FGF14: variants seen among roughly 807,000 people sequenced by gnomAD.
FGF14 encodes the protein fibroblast growth factor homologous factor 4.
A neutral mutation model predicts 25.5 loss-of-function variants in FGF14; 5 were observed. The ratio of observed to expected loss-of-function variants is 0.20; its 90% CI spans 0.10 to 0.41. The LOEUF is 0.41. Among genes scored for constraint, FGF14 ranks in the 10% least tolerant of loss-of-function variants. The pLI, the probability that FGF14 is intolerant of heterozygous loss-of-function variation, is 1.00. For synonymous variants in FGF14, 138 were observed against 118.3 expected (o/e 1.17, Z -1.08); for missense variants, 222 against 320.1 (o/e 0.69, Z 2.34).
chr13:101,905,348 T>C (rs1042980765), intron 1 of FGF14, among the ~76,000 whole-genome samples: 101 of 152,194 alleles, frequency 6.6e-4, no homozygotes, highest in African/African-American at 2.1e-3. Flanking sequence ...GTGGCACATA[T>C]ACGCCATGGG....
At chr13:102,018,991 T>C (rs2040493099) in intron 1 of FGF14, among the ~76,000 whole-genome samples, 1 of 152,158 alleles carries the variant, frequency 6.6e-6, no homozygotes. Flanking sequence ...CATTATAATC[T>C]ACCACATTCA....
intron 1 of FGF14, among the ~76,000 whole-genome samples, chr13:102,388,923 T>C (rs932092607): frequency 2.0e-5 from 3 of 152,200 alleles, no homozygotes; most frequent in Non-Finnish European, 4.4e-5. Flanking sequence ...ACTAAGCCGC[T>C]AAAATATGAT....
At chr13:101,978,515 T>C (rs1229854586) in intron 1 of FGF14, among the ~76,000 whole-genome samples, 1 of 152,170 alleles carries the variant, frequency 6.6e-6, no homozygotes, top group East Asian at 1.9e-4. Flanking sequence ...ATGATATTTT[T>C]CTAAAAAATG....
chr13:101,882,269 C>T (rs1279547017), intron 1 of FGF14, among the ~76,000 whole-genome samples: 2 of 151,852 alleles, frequency 1.3e-5, no homozygotes, highest in African/African-American at 2.4e-5. Context: ...TATAGCAGAC[C>T]GTATTAATTT....
chr13:102,113,959 G>A (rs968755134), intron 1 of FGF14, among the ~76,000 whole-genome samples: 17 of 152,148 alleles, frequency 1.1e-4, no homozygotes, highest in Non-Finnish European at 1.8e-4. Context: ...CTGTGGAGAC[G>A]GCTGATTTTA....
At chr13:102,325,012 T>C (rs1477029964) in intron 1 of FGF14, among the ~76,000 whole-genome samples, 1 of 151,972 alleles carries the variant, frequency 6.6e-6, no homozygotes, top group Non-Finnish European at 1.5e-5. Context: ...CACACATACA[T>C]ATGCACACAC....
At chr13:102,358,243 G>A (rs969972899) in intron 1 of FGF14, among the ~76,000 whole-genome samples, 1 of 152,026 alleles carries the variant, frequency 6.6e-6, no homozygotes, top group African/African-American at 2.4e-5. Flanking sequence ...TATATTTTCA[G>A]GAATACATTA....
At chr13:102,371,242 T>C (rs1011918714) in intron 1 of FGF14, among the ~76,000 whole-genome samples, 9 of 152,196 alleles carry the variant, frequency 5.9e-5, no homozygotes, top group African/African-American at 2.2e-4. Context: ...CTCTTGCCTG[T>C]CTTTAAATCG....
At chr13:102,332,312 C>T (rs2056657622) in intron 1 of FGF14, among the ~76,000 whole-genome samples, 1 of 151,882 alleles carries the variant, frequency 6.6e-6, no homozygotes, top group South Asian at 2.1e-4. Flanking sequence ...GTTGACTGTC[C>T]ATTTCCCCAA....
At chr13:102,227,079 C>A (rs1177686292) in intron 1 of FGF14, among the ~76,000 whole-genome samples, 1 of 152,092 alleles carries the variant, frequency 6.6e-6, no homozygotes, top group Non-Finnish European at 1.5e-5. Flanking sequence ...CTAGTCCTGG[C>A]CATTTTTCTT....
At chr13:102,279,211 G>C (rs921904601) in intron 1 of FGF14, among the ~76,000 whole-genome samples, 2 of 152,056 alleles carry the variant, frequency 1.3e-5, no homozygotes, top group African/African-American at 4.8e-5. Flanking sequence ...TAGATAAATA[G>C]ATGATAGATT....
chr13:102,311,224 T>C (rs1040313331), intron 1 of FGF14, among the ~76,000 whole-genome samples: 1 of 152,154 alleles, frequency 6.6e-6, no homozygotes, highest in Non-Finnish European at 1.5e-5. Flanking sequence ...AGAACAAGGA[T>C]GTTCTTTTCT....
chr13:101,941,893 A>T (rs1019611636), intron 1 of FGF14, among the ~76,000 whole-genome samples: 12 of 152,174 alleles, frequency 7.9e-5, no homozygotes, highest in Admixed American at 7.9e-4. Context: ...GCATCATGGT[A>T]ATCATTTCTT....
chr13:101,985,140 A>C (rs752303345), intron 1 of FGF14, among the ~76,000 whole-genome samples: 12 of 151,490 alleles, frequency 7.9e-5, no homozygotes, highest in East Asian at 1.9e-4. Flanking sequence ...GTTTCAGAAA[A>C]CAGTTTTTCT....
At chr13:101,931,235 T>A (rs1186112705) in intron 1 of FGF14, among the ~76,000 whole-genome samples, 1 of 152,150 alleles carries the variant, frequency 6.6e-6, no homozygotes, top group East Asian at 1.9e-4. Context: ...GTCTCTGGAA[T>A]GCAAAGGCGC....
intron 3 of FGF14, among the ~76,000 whole-genome samples, chr13:101,830,033 G>A (rs943230302): frequency 3.3e-5 from 5 of 152,070 alleles, no homozygotes; most frequent in African/African-American, 1.2e-4. Flanking sequence ...TACTCCCTGG[G>A]AGACCTTAGG....
At chr13:102,258,107 T>C (rs2052536353) in intron 1 of FGF14, among the ~76,000 whole-genome samples, 1 of 152,174 alleles carries the variant, frequency 6.6e-6, no homozygotes, top group East Asian at 1.9e-4. Flanking sequence ...GAAAGGGGTT[T>C]CCTCATATAA....
At chr13:102,146,760 T>G (rs2046872084) in intron 1 of FGF14, among the ~76,000 whole-genome samples, 1 of 152,150 alleles carries the variant, frequency 6.6e-6, no homozygotes, top group Non-Finnish European at 1.5e-5. Flanking sequence ...AGAAAAAGCA[T>G]GAGTTTCAAA....
intron 1 of FGF14, among the ~76,000 whole-genome samples, chr13:102,345,527 T>A (rs1319004262): frequency 6.6e-6 from 1 of 152,244 alleles, no homozygotes; most frequent in Non-Finnish European, 1.5e-5. Context: ...TTTTCCCCCA[T>A]CCCTTTCTAA....
Sources: gnomAD v4.1 joint callset for allele counts (sites outside exome capture counted in the v4.1 genomes callset) on GRCh38, gnomAD v4.1.1 for gene constraint, MANE v1.5 for transcripts, NCBI Gene and HGNC (gene_info 2026-07-23, HGNC 2026-07-21) for gene names.